Variants in AGBL1 observed in about 807,000 individuals in gnomAD.
AGBL1 encodes cytosolic carboxypeptidase 4.
A neutral mutation model predicts 118.9 loss-of-function variants in AGBL1; 130 were observed. That is an observed-to-expected ratio of 1.09 (90% CI 0.95 to 1.26). The LOEUF (loss-of-function observed/expected upper bound fraction) is 1.26. Ranked by LOEUF, AGBL1 falls within the 50% of genes most tolerant of loss-of-function variation. The probability of loss-of-function intolerance (pLI) is 0.00; values close to 1 mark genes in which losing one functional copy is unlikely to be tolerated. For synonymous variants in AGBL1, 555 were observed against 478.9 expected, an observed-to-expected ratio of 1.16 and a Z score of -2.08; for missense variants, 1,584 against 1,298.1, an observed-to-expected ratio of 1.22 and a Z score of -3.38.
chr15:87,011,880 T>C (rs543662373), intron 24 of AGBL1, among the ~76,000 whole-genome samples: 2 of 152,318 alleles, frequency 1.3e-5, no homozygotes, highest in South Asian at 4.1e-4. Context: ...AATTGGACTT[T>C]AATTACTTTG....
intron 22 of AGBL1, among the ~76,000 whole-genome samples, chr15:86,890,830 C>G (rs8024972): frequency 0.033 from 4,995 of 152,180 alleles, 265 homozygotes; most frequent in African/African-American, 0.11. Flanking sequence ...CATAATGCCT[C>G]CACCTTTGTT....
In AGBL1 at chr15:86,966,447, G is replaced by T. The variant is rs951977773; in HGVS notation, c.3222-21540G>T. On this transcript the variant is annotated intron_variant, in intron 23 of 24. Coordinates refer to the AGBL1 transcript ENST00000441037. ...CCAGTAACTCGTCATTTAACATGAG[G>T]TATATCTCCTAATGCTATCCCTCCC... is the stretch of plus-strand genomic sequence containing the variant. 7.2e-5 allele frequency among the ~76,000 whole-genome samples: 11 copies of T among 151,972 alleles called. No individual in the cohort carries two copies. The East Asian group carries it at 2.1e-3, about 30-fold the overall frequency.
intron 3 of AGBL1, among the ~76,000 whole-genome samples, chr15:86,153,564 C>T (rs1222265186): frequency 1.3e-5 from 2 of 152,056 alleles, no homozygotes; most frequent in African/African-American, 2.4e-5. Context: ...ATGTAAATGA[C>T]GGGTTGATGG....
chr15:86,179,882 A>G (rs1051698556), intron 5 of AGBL1, among the ~76,000 whole-genome samples: 2 of 152,158 alleles, frequency 1.3e-5, no homozygotes. Flanking sequence ...CAAAAAATTT[A>G]TATTTCTACA....
intron 24 of AGBL1, among the ~76,000 whole-genome samples, chr15:87,022,449 T>C (rs1354346311): frequency 2.0e-5 from 3 of 152,078 alleles, no homozygotes; most frequent in Non-Finnish European, 2.9e-5. Flanking sequence ...CCAAGAAGTC[T>C]GAGATTATAT....
chr15:86,856,126 G>A (rs75651066), intron 22 of AGBL1, among the ~76,000 whole-genome samples: 60 of 152,306 alleles, frequency 3.9e-4, no homozygotes, highest in African/African-American at 1.4e-3. Context: ...GTGGACAGCA[G>A]GCAGGCCGAC....
chr15:86,952,397 TCTAA>T (rs1204332155), intron 23 of AGBL1, among the ~76,000 whole-genome samples: 4 of 152,194 alleles, frequency 2.6e-5, no homozygotes, highest in East Asian at 1.9e-4. Flanking sequence ...TCTTATCCAA[TCTAA>T]CTATCTCTAC....
intron 4 of AGBL1, 45 bp downstream of exon 4, chr15:86,154,606 G>C: frequency 6.4e-7 from 1 of 1,566,848 alleles, no homozygotes. Flanking sequence ...TCCAAACCTG[G>C]GCTGGGACAC....
chr15:86,853,718 C>G (rs1459458933), intron 22 of AGBL1, among the ~76,000 whole-genome samples: 1 of 152,328 alleles, frequency 6.6e-6, no homozygotes, highest in South Asian at 2.1e-4. Context: ...GCCATCGCTA[C>G]ATCTAGTTTT....
At chr15:86,848,873 C>T (rs76557356) in intron 22 of AGBL1, among the ~76,000 whole-genome samples, 18,301 of 152,154 alleles carry the variant, frequency 0.12, 1,440 homozygotes, top group Non-Finnish European at 0.16. Context: ...CAATATTTCT[C>T]GAGTACTTTC....
intron 22 of AGBL1, among the ~76,000 whole-genome samples, chr15:86,843,166 A>G (rs1476282394): frequency 6.6e-6 from 1 of 152,164 alleles, no homozygotes; most frequent in Non-Finnish European, 1.5e-5. Context: ...CTTAAAGGTC[A>G]TGCATCTGCA....
At chr15:86,865,669 C>T (rs1381473979) in intron 22 of AGBL1, among the ~76,000 whole-genome samples, 1 of 152,210 alleles carries the variant, frequency 6.6e-6, no homozygotes, top group Admixed American at 6.5e-5. Flanking sequence ...ACAACCTTAG[C>T]TTCATCCACT....
At chr15:86,223,317 C>T (rs1336388693) in intron 5 of AGBL1, among the ~76,000 whole-genome samples, 1 of 152,176 alleles carries the variant, frequency 6.6e-6, no homozygotes, top group Non-Finnish European at 1.5e-5. Context: ...TTGCTTGGGA[C>T]ATCCTTATTC....
downstream of AGBL1, among the ~76,000 whole-genome samples, chr15:87,031,274 T>C (rs958213810): frequency 1.3e-5 from 2 of 151,876 alleles, no homozygotes; most frequent in African/African-American, 2.4e-5. Context: ...TAACCATAAT[T>C]ACAAAATGGA....
At chr15:86,389,893 A>G (rs2081251475) in intron 17 of AGBL1, among the ~76,000 whole-genome samples, 1 of 152,136 alleles carries the variant, frequency 6.6e-6, no homozygotes, top group African/African-American at 2.4e-5. Context: ...GAGAGCAAAT[A>G]TTAAATTGAT....
intron 18 of AGBL1, 83 bp from the exon 19 acceptor site, chr15:86,522,727 A>C: frequency 6.7e-7 from 1 of 1,487,066 alleles, no homozygotes; most frequent in Non-Finnish European, 9.1e-7. Flanking sequence ...TCATTAGTTT[A>C]ATTGTTTATC....
At chr15:86,410,837 T>TA in intron 18 of AGBL1, among the ~76,000 whole-genome samples, 1 of 101,178 alleles carries the variant, frequency 9.9e-6, no homozygotes, top group African/African-American at 4.5e-5. Context: ...TATATATATA[T>TA]ATATAATATA....
Position 86,674,244 on chromosome 15 carries a change from C to A in AGBL1, c.2995-29C>A, listed in dbSNP as rs536524533. 1.3e-5 allele frequency: 20 copies of A among 1,585,642 alleles called. No homozygotes were observed. In the African/African-American group the frequency reaches 2.5e-4, roughly 20 times the overall value. On this transcript the variant is annotated intron_variant, in intron 21 of 22. Transcript: ENST00000614907. ...ACCACTCAGCTCCCATTATACGTTG[C>A]CACAGTTAATGCTTTGTTTAACTGG...
At chr15:86,504,941 C>T (rs754036714) in intron 18 of AGBL1, among the ~76,000 whole-genome samples, 8 of 151,572 alleles carry the variant, frequency 5.3e-5, no homozygotes, top group Non-Finnish European at 1.0e-4. Flanking sequence ...GTGTCTTGTA[C>T]AGCAGATTTC....
Sources: gnomAD v4.1 joint callset for allele counts (sites outside exome capture counted in the v4.1 genomes callset) on GRCh38, gnomAD v4.1.1 for gene constraint, MANE v1.5 for transcripts, NCBI Gene and HGNC (gene_info 2026-07-23, HGNC 2026-07-21) for gene names.